Variants in TAF4B observed in about 807,000 individuals in gnomAD.
TAF4B encodes TATA-box binding protein associated factor 4b.
A neutral mutation model predicts 86.4 loss-of-function variants in TAF4B; 38 were observed. That is an observed-to-expected ratio of 0.44 (90% CI 0.34 to 0.58). TAF4B has a LOEUF of 0.58. Ranked by LOEUF, TAF4B falls within the 20% of genes least tolerant of loss-of-function variation. The pLI, the probability that TAF4B is intolerant of heterozygous loss-of-function variation, is 0.02. For missense variants in TAF4B, 988 were observed against 1,027.6 expected (o/e 0.96, Z 0.53); for synonymous variants, 388 against 391.2 (o/e 0.99, Z 0.10).
At chr18:26,268,182 G>C (rs763711958) in intron 3 of TAF4B, among the ~76,000 whole-genome samples, 1 of 152,100 alleles carries the variant, frequency 6.6e-6, no homozygotes, top group African/African-American at 2.4e-5. Context: ...ATAAATGGAG[G>C]CTGTCTAATA....
chr18:26,315,749 T>C (rs1047103462), intron 10 of TAF4B, among the ~76,000 whole-genome samples: 1 of 152,196 alleles, frequency 6.6e-6, no homozygotes, highest in Non-Finnish European at 1.5e-5. Context: ...TACATGTTTG[T>C]GTTTATGAAA....
intron 6 of TAF4B, among the ~76,000 whole-genome samples, chr18:26,284,074 G>A (rs1162774643): frequency 1.3e-5 from 2 of 151,700 alleles, no homozygotes; most frequent in Non-Finnish European, 2.9e-5. Flanking sequence ...AAAAATCTTA[G>A]CTATATCTTC....
At position 26,319,010 on chromosome 18, in the gene TAF4B, A is replaced by G. The variant is rs998466952; in HGVS notation, c.2003-2060A>G. ...GAAGCTAGAGACCAGCCTGGGCAAC[A>G]TAGTGAGACCCAATCTCTACAAAAA... On this transcript the variant is annotated intron_variant, in intron 10 of 14. Transcript: ENST00000269142. Among the ~76,000 whole-genome samples, 11 of 151,894 alleles carry G rather than the reference A, an allele frequency of 7.2e-5. No individual in the cohort carries two copies. The East Asian group carries it at 1.6e-3, about 21-fold the overall frequency.
intron 13 of TAF4B, among the ~76,000 whole-genome samples, chr18:26,350,192 A>G (rs1241639736): frequency 6.6e-6 from 1 of 152,238 alleles, no homozygotes; most frequent in Admixed American, 6.5e-5. Context: ...CTGTAACAAA[A>G]GCAAAAATAA....
chr18:26,299,976 T>C (rs1355842219), intron 9 of TAF4B, among the ~76,000 whole-genome samples: 2 of 152,018 alleles, frequency 1.3e-5, no homozygotes, highest in African/African-American at 4.8e-5. Context: ...CTCTCTCTTT[T>C]TATTAGTAGG....
intron 3 of TAF4B, among the ~76,000 whole-genome samples, chr18:26,273,218 T>C (rs1444023947): frequency 1.3e-5 from 2 of 152,194 alleles, no homozygotes; most frequent in African/African-American, 4.8e-5. Context: ...GGAGGTCTTT[T>C]TGGGTATCAT....
intron 13 of TAF4B, among the ~76,000 whole-genome samples, chr18:26,344,846 T>A (rs1406682338): frequency 6.6e-6 from 1 of 152,104 alleles, no homozygotes; most frequent in Admixed American, 6.5e-5. Flanking sequence ...CACCTATAAA[T>A]GATTAGAAAT....
At chr18:26,285,222 G>GTTTTTGTTTTTGTTTTTTTTTTTTTTTTT in intron 6 of TAF4B, among the ~76,000 whole-genome samples, 508 of 45,668 alleles carry the variant, frequency 0.011, 70 homozygotes, top group Middle Eastern at 0.062. Flanking sequence ...TTTTTTTTTT[G>GTTTTTGTTTTTGTTTTTTTTTTTTTTTTT]TTTTTTTTTT....
chr18:26,285,222 G>GTTTTTTGTTTT (rs1555677503), intron 6 of TAF4B, among the ~76,000 whole-genome samples: 2 of 45,692 alleles, frequency 4.4e-5, no homozygotes, highest in African/African-American at 1.3e-4. Flanking sequence ...TTTTTTTTTT[G>GTTTTTTGTTTT]TTTTTTTTTT....
chr18:26,234,169 A>T (rs908389358), intron 1 of TAF4B, among the ~76,000 whole-genome samples: 7 of 152,128 alleles, frequency 4.6e-5, no homozygotes, highest in Non-Finnish European at 8.8e-5. Flanking sequence ...TCTCTTGGAG[A>T]GGGTTGTTCC....
At chr18:26,330,336 C>T (rs2057040414) in intron 12 of TAF4B, among the ~76,000 whole-genome samples, 1 of 152,174 alleles carries the variant, frequency 6.6e-6, no homozygotes, top group South Asian at 2.1e-4. Context: ...GAGTGGAAGA[C>T]CCTTCCAGCT....
chr18:26,294,762 C>T (rs1005594219), intron 9 of TAF4B, among the ~76,000 whole-genome samples: 2 of 149,720 alleles, frequency 1.3e-5, no homozygotes, highest in Non-Finnish European at 3.0e-5. Flanking sequence ...GAAAATAGAA[C>T]ATGTACACAA....
At chr18:26,346,773 A>ATATATATATATATATG (rs1404902479) in intron 13 of TAF4B, among the ~76,000 whole-genome samples, 1 of 24,114 alleles carries the variant, frequency 4.1e-5, no homozygotes, top group Non-Finnish European at 9.9e-5. Context: ...ATATATATAT[A>ATATATATATATATATG]TGTGTGTGTA....
chr18:26,238,614 A>T (rs189492771), intron 1 of TAF4B, among the ~76,000 whole-genome samples: 227 of 152,020 alleles, frequency 1.5e-3, no homozygotes, highest in African/African-American at 5.3e-3. Flanking sequence ...TTATACTTTA[A>T]GTTCTAGGGT....
At chr18:26,307,945 A>G (rs577485831) in intron 9 of TAF4B, among the ~76,000 whole-genome samples, 3 of 152,274 alleles carry the variant, frequency 2.0e-5, no homozygotes, top group African/African-American at 7.2e-5. Flanking sequence ...CTCCATCTCC[A>G]CTAAAAATAC....
Position 26,390,135 on chromosome 18 carries a change from C to G in TAF4B, c.*123C>G. On this transcript the variant is annotated 3_prime_UTR_variant, in exon 15 of 15. Transcript: ENST00000269142. ...CACCAACATGAAAGAGCATTGTTTA[C>G]AGTTAGAAACTTTATTAACTCTTAC... 1 of 1,029,266 alleles carries G rather than the reference C, an allele frequency of 9.7e-7. No individual in the cohort carries two copies. Among genetic ancestry groups the G allele is most frequent in the Non-Finnish European group, 1.4e-6 (1 of 714,750 alleles). 63.8% of individuals were successfully genotyped at this position (1,029,266 alleles called of 1,614,324 possible).
At position 26,327,012 on chromosome 18, in the gene TAF4B, C is replaced by T; in HGVS notation, c.2134-3C>T. The T allele has an allele frequency of 1.2e-6, 2 of 1,608,870 alleles. No individual in the cohort carries two copies. Among genetic ancestry groups the T allele is most frequent in the Non-Finnish European group, 1.7e-6 (2 of 1,178,140 alleles). ...AGACTTTCTGTTTTCTTTTTTTTCCCAGGCAAGTGAAAATTACATCCTGTG... is the reference window on the plus strand; with the variant it reads ...AGACTTTCTGTTTTCTTTTTTTTCCTAGGCAAGTGAAAATTACATCCTGTG... On this transcript the variant is annotated splice_region_variant and splice_polypyrimidine_tract_variant and intron_variant, in intron 11 of 14. Transcript: ENST00000269142.
intron 9 of TAF4B, among the ~76,000 whole-genome samples, chr18:26,297,664 G>C (rs930731333): frequency 1.4e-5 from 2 of 142,530 alleles, no homozygotes; most frequent in Non-Finnish European, 3.2e-5. Context: ...TGTATCAGTA[G>C]TTGCATTTTT....
At chr18:26,323,548 G>T (rs1389304184) in intron 11 of TAF4B, among the ~76,000 whole-genome samples, 1 of 143,430 alleles carries the variant, frequency 7.0e-6, no homozygotes, top group Non-Finnish European at 1.5e-5. Context: ...TTTTTTTTGA[G>T]ACAGGGGCTC....
Sources: allele counts gnomAD v4.1 joint callset (sites outside exome capture counted in the v4.1 genomes callset), GRCh38; gene constraint gnomAD v4.1.1; transcripts MANE v1.5; gene names NCBI Gene and HGNC (gene_info 2026-07-23, HGNC 2026-07-21).